ROBO1: variants seen among roughly 807,000 people sequenced by gnomAD.
The protein encoded by ROBO1 is roundabout homolog 1.
In ROBO1, 149 loss-of-function variants were observed where a neutral mutation model predicts 195.9. The ratio of observed to expected loss-of-function variants is 0.76; its 90% CI spans 0.67 to 0.87. The LOEUF (loss-of-function observed/expected upper bound fraction) is 0.87, where lower values mean the gene tolerates loss of function less well. ROBO1 is among the 40% of genes least tolerant of loss of function. The pLI is 0.00. For missense variants in ROBO1, 1,933 were observed against 2,068.3 expected (o/e 0.93, Z 1.27); for synonymous variants, 816 against 733.2 (o/e 1.11, Z -1.82).
intron 2 of ROBO1, among the ~76,000 whole-genome samples, chr3:79,547,993 A>G (rs1942335178): frequency 6.6e-6 from 1 of 152,186 alleles, no homozygotes. Context: ...TGGCAGTTTT[A>G]CTGATGTTGA....
chr3:79,669,229 A>AGCTCTCT (rs1329134728), intron 1 of ROBO1, among the ~76,000 whole-genome samples: 1 of 151,724 alleles, frequency 6.6e-6, no homozygotes, highest in Non-Finnish European at 1.5e-5. Context: ...TCCCTGTACC[A>AGCTCTCT]GCTCTCTTTT....
intron 4 of ROBO1, among the ~76,000 whole-genome samples, chr3:78,850,858 G>A (rs2034013257): frequency 6.6e-6 from 1 of 151,532 alleles, no homozygotes; most frequent in Non-Finnish European, 1.5e-5. Flanking sequence ...CCAGGCTGGA[G>A]TGCAATGAAG....
intron 1 of ROBO1, among the ~76,000 whole-genome samples, chr3:79,637,653 C>T (rs1003834480): frequency 1.1e-4 from 17 of 151,742 alleles, no homozygotes; most frequent in East Asian, 3.9e-4. Context: ...ATATGCAGGC[C>T]GTTTTTTATT....
At chr3:79,684,787 T>C (rs1428597159) in intron 1 of ROBO1, among the ~76,000 whole-genome samples, 1 of 152,046 alleles carries the variant, frequency 6.6e-6, no homozygotes, top group East Asian at 1.9e-4. Context: ...GCAATTCTCC[T>C]GCCTCAGCCT....
intron 4 of ROBO1, among the ~76,000 whole-genome samples, chr3:78,754,794 T>C (rs1002824054): frequency 2.0e-5 from 3 of 152,114 alleles, no homozygotes; most frequent in African/African-American, 7.2e-5. Context: ...TGTGAGAGAA[T>C]AATGAGAAAC....
intron 10 of ROBO1, among the ~76,000 whole-genome samples, chr3:78,681,314 C>T (rs1033588658): frequency 1.3e-5 from 2 of 151,804 alleles, no homozygotes; most frequent in Admixed American, 6.6e-5. Flanking sequence ...GCACATGTAC[C>T]CTAAAACTTA....
chr3:79,012,124 C>T (rs117315360), intron 3 of ROBO1, among the ~76,000 whole-genome samples: 1 of 152,112 alleles, frequency 6.6e-6, no homozygotes, highest in Non-Finnish European at 1.5e-5. Context: ...GCTGTTATTG[C>T]CAGAAGTAGC....
intron 3 of ROBO1, among the ~76,000 whole-genome samples, chr3:79,059,637 T>C (rs2078878278): frequency 6.6e-6 from 1 of 152,090 alleles, no homozygotes; most frequent in Non-Finnish European, 1.5e-5. Flanking sequence ...TATAATTTCT[T>C]ATGCCTGTCT....
chr3:78,860,322 ATATATT>A (rs1246632554), intron 4 of ROBO1, among the ~76,000 whole-genome samples: 3 of 73,890 alleles, frequency 4.1e-5, no homozygotes, highest in African/African-American at 1.7e-4. Context: ...ATATATATAT[ATATATT>A]TTTTTTTTTT....
chr3:78,734,810 A>C (rs2082359028), intron 5 of ROBO1, among the ~76,000 whole-genome samples: 1 of 152,134 alleles, frequency 6.6e-6, no homozygotes, highest in African/African-American at 2.4e-5. Flanking sequence ...AAAGCACCAG[A>C]GATTATTTGT....
At chr3:79,325,522 C>T (rs1296916588) in intron 2 of ROBO1, among the ~76,000 whole-genome samples, 2 of 152,176 alleles carry the variant, frequency 1.3e-5, no homozygotes, top group Non-Finnish European at 2.9e-5. Flanking sequence ...CGTAATGTGT[C>T]GTGGGAAGTC....
intron 3 of ROBO1, among the ~76,000 whole-genome samples, chr3:79,123,066 T>C (rs1270441158): frequency 6.6e-6 from 1 of 152,044 alleles, no homozygotes; most frequent in Non-Finnish European, 1.5e-5. Context: ...CTCATATCAA[T>C]GACTTACGTG....
intron 4 of ROBO1, among the ~76,000 whole-genome samples, chr3:78,911,038 A>G (rs1382942436): frequency 6.6e-6 from 1 of 151,978 alleles, no homozygotes; most frequent in East Asian, 1.9e-4. Context: ...CTAGACTTCA[A>G]GAAAACAGGG....
chr3:79,312,509 G>A lies in ROBO1; in HGVS notation c.89-186970C>T, dbSNP rs551340800. On this transcript the variant is annotated intron_variant, in intron 2 of 30. Coordinates refer to ENST00000464233, the MANE Select transcript of ROBO1 (RefSeq NM_002941.4). ...TGATTTGTTGAATAAATATATGAATGAAGCGATGTTATAGTGAAAAGTATA... is the reference window on the plus strand; with the variant it reads ...TGATTTGTTGAATAAATATATGAATAAAGCGATGTTATAGTGAAAAGTATA... Among the ~76,000 whole-genome samples, 181 of 152,272 alleles carry A rather than the reference G, an allele frequency of 1.2e-3. 2 individuals are homozygous for A. The South Asian group carries it at 0.037, about 31-fold the overall frequency.
At chr3:78,810,672 A>G (rs1192806482) in intron 4 of ROBO1, among the ~76,000 whole-genome samples, 16 of 146,120 alleles carry the variant, frequency 1.1e-4, no homozygotes, top group African/African-American at 1.5e-4. Flanking sequence ...TTACAATGGG[A>G]AAAAAAAAAA....
chr3:79,267,764 G>A (rs181172906), intron 2 of ROBO1, among the ~76,000 whole-genome samples: 3 of 151,446 alleles, frequency 2.0e-5, no homozygotes, highest in Non-Finnish European at 4.4e-5. Context: ...TTTAAGTCTT[G>A]TTCCTGATTT....
intron 4 of ROBO1, among the ~76,000 whole-genome samples, chr3:78,864,053 A>C (rs1031932): frequency 0.36 from 54,279 of 152,062 alleles, 11,331 homozygotes; most frequent in South Asian, 0.53. Flanking sequence ...TTTCTATGCT[A>C]TTTACGTAGT....
chr3:78,618,189 T>A, intron 26 of ROBO1, 148 bp from the exon 27 acceptor site: 4 of 819,968 alleles, frequency 4.9e-6, no homozygotes. Context: ...TATCACAATA[T>A]ATTTAAGTTT....
intron 4 of ROBO1, among the ~76,000 whole-genome samples, chr3:78,771,924 T>C (rs2083386306): frequency 6.6e-6 from 1 of 152,130 alleles, no homozygotes; most frequent in African/African-American, 2.4e-5. Flanking sequence ...ATAGCCATAT[T>C]ACTCATTCTA....
Sources: gnomAD v4.1 joint callset for allele counts (sites outside exome capture counted in the v4.1 genomes callset) on GRCh38, gnomAD v4.1.1 for gene constraint, MANE v1.5 for transcripts, NCBI Gene and HGNC (gene_info 2026-07-23, HGNC 2026-07-21) for gene names.